Variants in PXDN observed in about 807,000 individuals in gnomAD.
The protein encoded by PXDN is peroxidasin homolog.
In PXDN, 77 loss-of-function variants were observed where a neutral mutation model predicts 140.3. The observed-to-expected ratio is 0.55, with a 90% CI of 0.46 to 0.66. The LOEUF is 0.66. Ranked by LOEUF, PXDN falls within the 30% of genes least tolerant of loss-of-function variation. The pLI, the probability that PXDN is intolerant of heterozygous loss-of-function variation, is 0.00. For missense variants in PXDN, 1,838 were observed against 2,039.5 expected, an observed-to-expected ratio of 0.90 and a Z score of 1.90; for synonymous variants, 911 against 857.4, an observed-to-expected ratio of 1.06 and a Z score of -1.09.
At chr2:1,661,170 C>T (rs1277238195) in intron 13 of PXDN, 133 bp from the exon 14 acceptor site, 3 of 1,051,366 alleles carry the variant, frequency 2.9e-6, no homozygotes, top group Non-Finnish European at 4.1e-6. Context: ...CGCTCAGATC[C>T]ATCCAGGCCT....
chr2:1,740,353 A>G (rs1036128574), intron 1 of PXDN, among the ~76,000 whole-genome samples: 4 of 152,158 alleles, frequency 2.6e-5, no homozygotes, highest in Non-Finnish European at 5.9e-5. Context: ...GGGAAGCTCC[A>G]AGGATGAACC....
chr2:1,654,379 G>C, intron 15 of PXDN, 21 bp downstream of exon 15: 1 of 1,555,818 alleles, frequency 6.4e-7, no homozygotes, highest in Non-Finnish European at 8.9e-7. Context: ...GAGGGTCAGC[G>C]TGTTTACAGC....
At chr2:1,694,861 C>A (rs942916292) in intron 1 of PXDN, among the ~76,000 whole-genome samples, 2 of 152,292 alleles carry the variant, frequency 1.3e-5, no homozygotes, top group East Asian at 3.9e-4. Context: ...TTCTGACCAG[C>A]TGCAATTTCA....
chr2:1,655,939 AAATAC>A (rs979494612), intron 14 of PXDN, among the ~76,000 whole-genome samples: 8 of 151,906 alleles, frequency 5.3e-5, no homozygotes, highest in African/African-American at 1.9e-4. Flanking sequence ...CACACCACAC[AAATAC>A]AACACACCCA....
chr2:1,653,740 C>A lies in PXDN; in HGVS notation c.1992G>T (p.Pro664=). Residue 664 remains proline (P), a synonymous_variant, in exon 16 of 23, where the codon CCG becomes CCT. Transcript: ENST00000252804. The stretch of plus-strand genomic sequence containing the variant: ...CCTGTTCAACTGTGTAAGGATCCCT[C>A]GGATACCGGAACAAGGCCAGCAAAT... The part of the protein sequence containing the change: ...PNDLLALFRY[P]RDPYTVEQAR... 6.3e-7 allele frequency: 1 copy of A among 1,594,352 alleles called. No homozygotes were observed. Among genetic ancestry groups the A allele is most frequent in the Non-Finnish European group, 8.5e-7 (1 of 1,170,260 alleles).
At chr2:1,680,108 T>C (rs1276906959) in intron 7 of PXDN, 85 bp downstream of exon 7, 3 of 1,419,900 alleles carry the variant, frequency 2.1e-6, no homozygotes, top group East Asian at 5.2e-5. Context: ...GTGTGGATGT[T>C]GTGTGTGTAG....
intron 6 of PXDN, among the ~76,000 whole-genome samples, chr2:1,681,787 G>A (rs961072080): frequency 1.3e-5 from 2 of 152,228 alleles, no homozygotes; most frequent in African/African-American, 4.8e-5. Context: ...ACAGGCACAT[G>A]CAAGACCCAG....
intron 1 of PXDN, among the ~76,000 whole-genome samples, chr2:1,727,269 C>G (rs1685208762): frequency 6.6e-6 from 1 of 152,258 alleles, no homozygotes; most frequent in Admixed American, 6.5e-5. Flanking sequence ...CCTCCTGAGC[C>G]TTGGACCAGC....
At chr2:1,635,287 C>T (rs751818619) in intron 22 of PXDN, 121 bp downstream of exon 22, 17 of 813,416 alleles carry the variant, frequency 2.1e-5, no homozygotes, top group Non-Finnish European at 3.3e-5. Flanking sequence ...GGATGGAGGC[C>T]AGCACAGGTA....
rs1028241766 is a variant in PXDN at position 1,634,148 on chromosome 2, G to C, written c.*56C>G. 6.5e-7 allele frequency: 1 copy of C among 1,542,604 alleles called. No individual in the cohort carries two copies. Among genetic ancestry groups the C allele is most frequent in the South Asian group, 1.2e-5 (1 of 83,392 alleles). ...CTGCAGTCCGCAGCTCCCTGCCATC[G>C]GCCACCCGATCTCACGATGGCACAG... On this transcript the variant is annotated 3_prime_UTR_variant, in exon 23 of 23. Transcript: ENST00000252804.
At chr2:1,689,525 G>A (rs1684139846) in intron 3 of PXDN, among the ~76,000 whole-genome samples, 1 of 152,214 alleles carries the variant, frequency 6.6e-6, no homozygotes, top group Non-Finnish European at 1.5e-5. Context: ...GCTCATGCCT[G>A]TAATCTCAGC....
At chr2:1,729,942 C>A (rs1018379945) in intron 1 of PXDN, among the ~76,000 whole-genome samples, 3 of 152,200 alleles carry the variant, frequency 2.0e-5, no homozygotes, top group South Asian at 4.1e-4. Flanking sequence ...AACAGACACA[C>A]AATCATAATA....
chr2:1,720,720 T>A (rs62116644), intron 1 of PXDN, among the ~76,000 whole-genome samples: 769 of 25,422 alleles, frequency 0.03, 9 homozygotes, highest in African/African-American at 0.055. Context: ...TCTCTCTCTC[T>A]CTCTCACACA....
upstream of PXDN, chr2:1,744,517 CCCGCCCGGCCGCGG>C (rs1397874483): frequency 4.4e-5 from 57 of 1,292,024 alleles, 1 homozygote; most frequent in South Asian, 1.2e-3. Flanking sequence ...CCCGACTGCG[CCCGCCCGGCCGCGG>C]CCCACGTCCC....
chr2:1,674,313 G>A (rs946396911), intron 8 of PXDN, among the ~76,000 whole-genome samples: 3 of 152,296 alleles, frequency 2.0e-5, no homozygotes, highest in African/African-American at 4.8e-5. Context: ...GGGCTTAAGC[G>A]CTCCTCCTGC....
chr2:1,719,725 A>G (rs1684972069), intron 1 of PXDN, among the ~76,000 whole-genome samples: 1 of 152,170 alleles, frequency 6.6e-6, no homozygotes, highest in Non-Finnish European at 1.5e-5. Context: ...CCCGGTTCCA[A>G]CCAGCTGCGG....
At chr2:1,638,718 G>A (rs769015161) in intron 21 of PXDN, 128 bp downstream of exon 21, 5 of 1,420,246 alleles carry the variant, frequency 3.5e-6, no homozygotes, top group East Asian at 4.6e-5. Flanking sequence ...CAAGGCTCCA[G>A]GGTCTGGGTC....
chr2:1,724,086 T>C (rs552304124), intron 1 of PXDN, among the ~76,000 whole-genome samples: 2 of 152,358 alleles, frequency 1.3e-5, no homozygotes, highest in East Asian at 1.9e-4. Context: ...AGCCTTTGTT[T>C]TCCACTGCTG....
intron 19 of PXDN, among the ~76,000 whole-genome samples, chr2:1,640,437 G>A (rs1053919666): frequency 1.2e-4 from 19 of 152,178 alleles, no homozygotes; most frequent in Admixed American, 1.0e-3. Context: ...TCCCTTGAAG[G>A]GCGGCCGGCT....
Sources: allele counts gnomAD v4.1 joint callset (sites outside exome capture counted in the v4.1 genomes callset), GRCh38; gene constraint gnomAD v4.1.1; transcripts MANE v1.5; gene names NCBI Gene and HGNC (gene_info 2026-07-23, HGNC 2026-07-21).